Variants in KCNK2 observed in about 807,000 individuals in gnomAD.
The protein encoded by KCNK2 is potassium two pore domain channel subfamily K member 2.
A neutral mutation model predicts 40.5 loss-of-function variants in KCNK2; 21 were observed. The observed-to-expected ratio is 0.52, with a 90% CI of 0.37 to 0.75. The LOEUF (loss-of-function observed/expected upper bound fraction) is 0.75, where lower values mean the gene tolerates loss of function less well. Among genes scored for constraint, KCNK2 ranks in the 30% least tolerant of loss-of-function variants. The pLI, the probability that KCNK2 is intolerant of heterozygous loss-of-function variation, is 0.00. For missense variants in KCNK2, 399 were observed against 531.6 expected (o/e 0.75, Z 2.45); for synonymous variants, 191 against 202.2 (o/e 0.94, Z 0.47).
At chr1:215,011,915 AT>A (rs34038011) in intron 1 of KCNK2, among the ~76,000 whole-genome samples, 42,754 of 151,270 alleles carry the variant, frequency 0.28, 6,639 homozygotes, top group South Asian at 0.55. Flanking sequence ...CTTGAGTCTG[AT>A]TTTTTTTCAC....
At chr1:215,102,110 A>G (rs1258400138) in intron 2 of KCNK2, among the ~76,000 whole-genome samples, 1 of 152,018 alleles carries the variant, frequency 6.6e-6, no homozygotes. Context: ...ATATTAATAT[A>G]TAAATAAGTT....
At chr1:215,230,068 G>GATAT (rs1205925789) in intron 6 of KCNK2, among the ~76,000 whole-genome samples, 1 of 129,122 alleles carries the variant, frequency 7.7e-6, no homozygotes, top group Non-Finnish European at 1.6e-5. Flanking sequence ...TATATATATA[G>GATAT]ATATATATAT....
At chr1:215,190,338 T>C (rs372248296) in intron 5 of KCNK2, among the ~76,000 whole-genome samples, 17 of 152,194 alleles carry the variant, frequency 1.1e-4, no homozygotes, top group African/African-American at 3.9e-4. Context: ...AGGCATGCCT[T>C]GTGCAATTTG....
At chr1:215,007,023 A>ATGTGTGTGTGTGTG (rs1436577962) in intron 1 of KCNK2, among the ~76,000 whole-genome samples, 2 of 25,858 alleles carry the variant, frequency 7.7e-5, no homozygotes, top group African/African-American at 1.6e-4. Context: ...ATATATATAT[A>ATGTGTGTGTGTGTG]TATATATATA....
At chr1:215,031,685 T>C (rs990767336) in intron 1 of KCNK2, among the ~76,000 whole-genome samples, 2 of 152,192 alleles carry the variant, frequency 1.3e-5, no homozygotes, top group Non-Finnish European at 2.9e-5. Flanking sequence ...TCAACCTGTA[T>C]TGTGTTTTTA....
At position 215,043,166 on chromosome 1, in the gene KCNK2, A is replaced by G. The variant is rs542065268; in HGVS notation, c.34+37211A>G. Among the ~76,000 whole-genome samples the G allele has an allele frequency of 2.0e-5, 3 of 152,324 alleles. No individual in the cohort carries two copies. In the South Asian group the frequency reaches 6.2e-4, roughly 32 times the overall value. On this transcript the variant is annotated intron_variant, in intron 1 of 6. Transcript: ENST00000391895. ...CAAAAATTAAGAAGTGTTAGAAAAG[A>G]TGTGGAGAAGCTGGAATGCTTGTGC...
intron 2 of KCNK2, among the ~76,000 whole-genome samples, chr1:215,121,289 T>C (rs959201629): frequency 6.6e-6 from 1 of 152,122 alleles, no homozygotes; most frequent in Non-Finnish European, 1.5e-5. Context: ...CCAAGTTATT[T>C]TATTTATTTA....
chr1:215,077,508 A>T (rs1007585487), intron 1 of KCNK2, among the ~76,000 whole-genome samples: 1 of 152,126 alleles, frequency 6.6e-6, no homozygotes, highest in African/African-American at 2.4e-5. Context: ...TTCTTTGTTC[A>T]CCTTCTACCT....
chr1:215,163,191 T>C (rs1663284422), intron 3 of KCNK2, among the ~76,000 whole-genome samples: 1 of 152,220 alleles, frequency 6.6e-6, no homozygotes, highest in African/African-American at 2.4e-5. Flanking sequence ...TTTGTAGCAA[T>C]TGTGAATGGG....
At chr1:215,093,834 A>T (rs1178939749) in intron 2 of KCNK2, among the ~76,000 whole-genome samples, 1 of 63,624 alleles carries the variant, frequency 1.6e-5, no homozygotes, top group African/African-American at 5.4e-5. Flanking sequence ...TTATATATAA[A>T]ATATATTATA....
intron 1 of KCNK2, among the ~76,000 whole-genome samples, chr1:215,035,944 T>A (rs1387647225): frequency 6.6e-6 from 1 of 151,810 alleles, no homozygotes; most frequent in Non-Finnish European, 1.5e-5. Flanking sequence ...TTTTTAAATA[T>A]ATTCTGAGTA....
chr1:215,131,312 T>C (rs1661666262), intron 3 of KCNK2, among the ~76,000 whole-genome samples: 2 of 147,880 alleles, frequency 1.4e-5, no homozygotes, highest in African/African-American at 4.9e-5. Flanking sequence ...CTTGGAAGCA[T>C]TAAAATTATA....
chr1:215,090,738 A>G (rs1320546357), intron 2 of KCNK2, among the ~76,000 whole-genome samples: 8 of 152,126 alleles, frequency 5.3e-5, no homozygotes, highest in Non-Finnish European at 1.2e-4. Context: ...TTTGTTTTCT[A>G]ATTTGAGCCC....
intron 1 of KCNK2, among the ~76,000 whole-genome samples, chr1:215,014,738 C>A (rs1020791143): frequency 4.6e-5 from 7 of 152,060 alleles, no homozygotes; most frequent in Middle Eastern, 3.4e-3. Flanking sequence ...ACAAGGAGAC[C>A]ATCTGGTAAT....
At chr1:215,007,185 G>GTGTGTATATATATATA (rs1398746959) in intron 1 of KCNK2, among the ~76,000 whole-genome samples, 2 of 31,028 alleles carry the variant, frequency 6.4e-5, no homozygotes, top group African/African-American at 2.4e-4. Context: ...ATGTGTGTGG[G>GTGTGTATATATATATA]TATATATATA....
intron 1 of KCNK2, among the ~76,000 whole-genome samples, chr1:215,009,302 T>C (rs1656293072): frequency 6.6e-6 from 1 of 152,170 alleles, no homozygotes; most frequent in Admixed American, 6.6e-5. Context: ...AAGCAATGTT[T>C]ACACATCACA....
chr1:215,216,125 T>G lies in KCNK2; in HGVS notation c.964-18703T>G, dbSNP rs555122772. On this transcript the variant is annotated intron_variant, in intron 6 of 6. Transcript: ENST00000444842. Reference sequence around the variant, plus strand: ...CTTAATGTGCATGAATACTCTGCATTATTAGACCCTCACTGCTACTTTTAC... The same window carrying G: ...CTTAATGTGCATGAATACTCTGCATGATTAGACCCTCACTGCTACTTTTAC... Among the ~76,000 whole-genome samples, 3 of 152,282 alleles carry G rather than the reference T, an allele frequency of 2.0e-5. No individual in the cohort carries two copies. The South Asian group carries it at 6.2e-4, about 32-fold the overall frequency.
intron 1 of KCNK2, among the ~76,000 whole-genome samples, chr1:215,059,621 G>T (rs556849755): frequency 3.9e-5 from 6 of 152,336 alleles, no homozygotes; most frequent in African/African-American, 1.4e-4. Flanking sequence ...TGTTGAAAGA[G>T]AAATGATTTT....
chr1:215,122,088 G>GA (rs527310076), intron 2 of KCNK2, among the ~76,000 whole-genome samples: 1 of 151,906 alleles, frequency 6.6e-6, no homozygotes, highest in African/African-American at 2.4e-5. Context: ...ATTCAAAGTG[G>GA]AAAAAAAGTG....
Sources: gnomAD v4.1 joint callset for allele counts (sites outside exome capture counted in the v4.1 genomes callset) on GRCh38, gnomAD v4.1.1 for gene constraint, MANE v1.5 for transcripts, NCBI Gene and HGNC (gene_info 2026-07-23, HGNC 2026-07-21) for gene names.